Variants in SAP18 observed in about 807,000 individuals in gnomAD.
SAP18 encodes the protein histone deacetylase complex subunit SAP18.
In SAP18, 4 loss-of-function variants were observed where a neutral mutation model predicts 18.6. That is an observed-to-expected ratio of 0.21 (90% confidence interval 0.11 to 0.49). SAP18 has a LOEUF of 0.49. Among genes scored for constraint, SAP18 ranks in the 20% least tolerant of loss-of-function variants. The pLI is 0.98. For missense variants in SAP18, 170 were observed against 226.4 expected, an observed-to-expected ratio of 0.75 and a Z score of 1.60; for synonymous variants, 112 against 82.8, an observed-to-expected ratio of 1.35 and a Z score of -1.92.
intron 2 of SAP18, among the ~76,000 whole-genome samples, chr13:21,142,777 C>T (rs972282920): frequency 5.3e-5 from 8 of 152,128 alleles, no homozygotes; most frequent in Admixed American, 3.9e-4. Flanking sequence ...CGGAGTCTTG[C>T]TCTGTTCCCC....
chr13:21,142,961 C>G (rs1339540706), intron 2 of SAP18, among the ~76,000 whole-genome samples: 2 of 152,150 alleles, frequency 1.3e-5, no homozygotes, highest in Non-Finnish European at 1.5e-5. Context: ...TATGAATTTG[C>G]CTATTCTGCA....
chr13:21,146,165 G>A (rs1263471032), intron 2 of SAP18, among the ~76,000 whole-genome samples: 1 of 152,134 alleles, frequency 6.6e-6, no homozygotes, highest in African/African-American at 2.4e-5. Context: ...TGGCCAACAT[G>A]GTGAAACCCT....
chr13:21,147,258 G>T, exon 4 of SAP18: 1 of 1,614,154 alleles, frequency 6.2e-7, no homozygotes, highest in Non-Finnish European at 8.5e-7. Context: ...AGTCGCAGAA[G>T]TTCCAGATAG....
chr13:21,140,527 T>G, exon 1 of SAP18: 7 of 1,561,672 alleles, frequency 4.5e-6, no homozygotes, highest in Non-Finnish European at 6.1e-6. Flanking sequence ...AGTGTCGAGC[T>G]TCTCCTCGCG....
intron 2 of SAP18, among the ~76,000 whole-genome samples, chr13:21,142,102 C>T (rs1402548539): frequency 5.3e-5 from 8 of 149,800 alleles, no homozygotes; most frequent in South Asian, 2.1e-4. Context: ...GTCTGGCCAG[C>T]GTGATGAAAC....
chr13:21,143,913 A>T (rs1406522436), intron 2 of SAP18, among the ~76,000 whole-genome samples: 1 of 152,328 alleles, frequency 6.6e-6, no homozygotes. Flanking sequence ...CATTCCCAGA[A>T]ATAGTAATGA....
rs36115551 is a variant in SAP18, at chr13:21,144,405, CAAAAAAA to C, written c.240-2380_240-2374del. ...CGGGCGACAGAGCGGGACTCCATCT[CAAAAAAA>C]AAAAAAAAAAAAAAAAAAAGCTTTA... On this transcript the variant is annotated intron_variant, in intron 2 of 3. Coordinates refer to ENST00000621421, the Ensembl canonical transcript of SAP18. 1.2e-3 allele frequency among the ~76,000 whole-genome samples: 80 copies of C among 64,638 alleles called. No individual in the cohort carries two copies. The East Asian group carries it at 0.033, about 27-fold the overall frequency. The allele number at this position is 64,638 out of a possible 152,430, so 42.4% of individuals were successfully genotyped here.
chr13:21,141,847 A>G (rs1390173586), intron 2 of SAP18, among the ~76,000 whole-genome samples: 1 of 151,620 alleles, frequency 6.6e-6, no homozygotes, highest in African/African-American at 2.4e-5. Context: ...TTGTATTTTT[A>G]GTAGAGATGG....
intron 2 of SAP18, chr13:21,146,440 C>A: frequency 6.1e-6 from 1 of 163,826 alleles, no homozygotes; most frequent in Non-Finnish European, 1.3e-5. Flanking sequence ...GGGTACATGT[C>A]TTAGAACTAA....
At position 21,140,848 on chromosome 13, in the gene SAP18, T is replaced by G. The variant is rs1437882840; in HGVS notation, c.130-38T>G. ...ATGAGCTCCGGGTTCGCAGCTGGTGTTTTTAACTTCTGCCCTTCCGTTTTC... is the reference window on the plus strand; with the variant it reads ...ATGAGCTCCGGGTTCGCAGCTGGTGGTTTTAACTTCTGCCCTTCCGTTTTC... On this transcript the variant is annotated intron_variant, in intron 1 of 3. Transcript: ENST00000621421. 4 of 1,594,330 alleles carry G rather than the reference T, an allele frequency of 2.5e-6. No individual in the cohort carries two copies. In the African/African-American group the frequency reaches 4.0e-5, roughly 16 times the overall value.
rs1046213906 is a variant in SAP18 at position 21,144,381 on chromosome 13, G to A, written c.240-2424G>A. Reference sequence around the variant, plus strand: ...GATCAGCGCCACTGCACTCCAGCCCGGGCGACAGAGCGGGACTCCATCTCA... The same window carrying A: ...GATCAGCGCCACTGCACTCCAGCCCAGGCGACAGAGCGGGACTCCATCTCA... On this transcript the variant is annotated intron_variant, in intron 2 of 3. Transcript: ENST00000621421. Among the ~76,000 whole-genome samples, 7 of 131,688 alleles carry A rather than the reference G, an allele frequency of 5.3e-5. No homozygotes were observed. In the East Asian group the frequency reaches 1.2e-3, roughly 23 times the overall value. 86.4% of individuals were successfully genotyped at this position (131,688 alleles called of 152,430 possible).
At chr13:21,146,668 T>A (rs780438198) in intron 2 of SAP18, 137 bp from the exon 3 acceptor site, 18 of 612,762 alleles carry the variant, frequency 2.9e-5, no homozygotes, top group Non-Finnish European at 4.1e-5. Context: ...TTAAAATTAA[T>A]CTCTAGTATA....
chr13:21,140,564 A>C (rs1387835530), exon 1 of SAP18: 3 of 1,597,936 alleles, frequency 1.9e-6, no homozygotes, highest in African/African-American at 1.3e-5. Context: ...TGCTCGCTGC[A>C]GGGGTCGGAG....
chr13:21,143,254 T>C (rs1293402457), intron 2 of SAP18, among the ~76,000 whole-genome samples: 1 of 152,194 alleles, frequency 6.6e-6, no homozygotes, highest in African/African-American at 2.4e-5. Context: ...CTGGGTCATA[T>C]GTTAACTTTG....
At chr13:21,147,405 T>C (rs1243919089) in exon 4 of SAP18, 2 of 1,403,674 alleles carry the variant, frequency 1.4e-6, no homozygotes, top group East Asian at 4.6e-5. Flanking sequence ...CATACTCTTC[T>C]TCCTCCCCTG....
At chr13:21,141,795 T>C (rs535559858) in intron 2 of SAP18, among the ~76,000 whole-genome samples, 161 of 151,946 alleles carry the variant, frequency 1.1e-3, no homozygotes, top group Middle Eastern at 3.4e-3. Flanking sequence ...GCCTCCCAAG[T>C]AGCTGGGATT....
intron 2 of SAP18, among the ~76,000 whole-genome samples, chr13:21,145,763 C>T (rs546542404): frequency 1.4e-4 from 21 of 152,346 alleles, no homozygotes; most frequent in African/African-American, 3.8e-4. Context: ...AGGTGATCCA[C>T]CCGCCTTGGC....
intron 2 of SAP18, among the ~76,000 whole-genome samples, chr13:21,144,640 C>T (rs1482250710): frequency 1.3e-5 from 2 of 152,104 alleles, no homozygotes; most frequent in Non-Finnish European, 2.9e-5. Flanking sequence ...AAATATCTCA[C>T]AGCAATACCT....
At chr13:21,140,499 GC>G (rs1481383330), upstream of SAP18, 1 of 1,533,068 alleles carries the variant, frequency 6.5e-7, no homozygotes, top group Non-Finnish European at 8.8e-7. Flanking sequence ...GCCCCGCCCA[GC>G]CCCTGGCCGA....
Sources: gnomAD v4.1 joint callset for allele counts (sites outside exome capture counted in the v4.1 genomes callset) on GRCh38, gnomAD v4.1.1 for gene constraint, MANE v1.5 for transcripts, NCBI Gene and HGNC (gene_info 2026-07-23, HGNC 2026-07-21) for gene names.